NUP210: variants seen among roughly 807,000 people sequenced by gnomAD.
NUP210 encodes the protein nucleoporin 210.
NUP210 carries 151 observed loss-of-function variants against 196.0 expected under a neutral mutation model. That is an observed-to-expected ratio of 0.77 (90% CI 0.67 to 0.88). The LOEUF is 0.88. Among genes scored for constraint, NUP210 ranks in the 40% least tolerant of loss-of-function variants. The pLI is 0.00. For synonymous variants in NUP210, 1,070 were observed against 1,052.7 expected, an observed-to-expected ratio of 1.02 and a Z score of -0.32; for missense variants, 2,314 against 2,493.7, an observed-to-expected ratio of 0.93 and a Z score of 1.53.
rs1344343804 is a variant in NUP210 at position 13,337,841 on chromosome 3, G to A, written c.3548C>T (p.Thr1183Ile). ...GAGCCCAGGAGGTCCCCTCACCTGG[G>A]TGCCCGTCCTCATCCGCATGATGGG... is the stretch of plus-strand genomic sequence containing the variant. The part of the protein sequence containing the change: ...RAPIMRMRTG[T>I]QMPIYVTGIT... The change falls in exon 26 of 40, where the codon ACC (threonine) becomes ATC (isoleucine). Residue 1183 changes from threonine to isoleucine, a missense_variant. By Grantham distance (89) the Thr-to-Ile change is moderately conservative. Transcript: ENST00000254508. 13 of 1,610,054 alleles carry A rather than the reference G, an allele frequency of 8.1e-6. No homozygotes were observed. Among genetic ancestry groups the A allele is most frequent in the African/African-American group, 1.3e-5 (1 of 74,878 alleles).
intron 31 of NUP210, among the ~76,000 whole-genome samples, chr3:13,328,135 G>A (rs1162773460): frequency 6.6e-6 from 1 of 152,238 alleles, no homozygotes; most frequent in Admixed American, 6.5e-5. Context: ...CCAAAGGGCT[G>A]GGAGAACTGG....
chr3:13,400,554 A>G (rs2124948091), intron 1 of NUP210, among the ~76,000 whole-genome samples: 1 of 152,262 alleles, frequency 6.6e-6, no homozygotes, highest in Non-Finnish European at 1.5e-5. Context: ...TTTCTCATCC[A>G]TGGCCCAGGA....
chr3:13,417,168 G>A (rs1479425291), intron 1 of NUP210, among the ~76,000 whole-genome samples: 1 of 152,166 alleles, frequency 6.6e-6, no homozygotes, highest in Non-Finnish European at 1.5e-5. Flanking sequence ...AGGGGTCCCA[G>A]CAGCTCCTGC....
intron 5 of NUP210, among the ~76,000 whole-genome samples, chr3:13,387,431 C>A (rs1438855197): frequency 6.6e-6 from 1 of 152,238 alleles, no homozygotes; most frequent in Non-Finnish European, 1.5e-5. Context: ...GGGCCCTACA[C>A]AGGAGCAAAC....
In NUP210 at chr3:13,316,579, C is replaced by T. The variant is rs1033862760; in HGVS notation, c.*1102G>A. 4 of 152,266 alleles carry T rather than the reference C, an allele frequency of 2.6e-5. No individual in the cohort carries two copies. Among genetic ancestry groups the T allele is most frequent in the African/African-American group, 9.6e-5 (4 of 41,472 alleles). 9.4% of individuals were successfully genotyped at this position (152,266 alleles called of 1,614,324 possible). Reference sequence around the variant, plus strand: ...GAAGAGAGGACTTTTCCAAGGGTCTCCTCCCCCAGGCCCTGGGGAGTCCCT... The same window carrying T: ...GAAGAGAGGACTTTTCCAAGGGTCTTCTCCCCCAGGCCCTGGGGAGTCCCT... On this transcript the variant is annotated 3_prime_UTR_variant, in exon 40 of 40. Coordinates refer to ENST00000254508, the MANE Select transcript of NUP210 (RefSeq NM_024923.4).
rs1183511934 is a variant in NUP210 at position 13,386,270 on chromosome 3, C to A, written c.817+5G>T. On this transcript the variant is annotated splice_donor_5th_base_variant and intron_variant, in intron 6 of 39. Coordinates refer to ENST00000254508, the MANE Select transcript of NUP210 (RefSeq NM_024923.4). ...TCTGTCATGATGGCAGAGCCAATGA[C>A]ACACCTGTAATTTTCCCTTGCCTGA... 1.2e-6 allele frequency: 2 copies of A among 1,611,886 alleles called. No individual in the cohort carries two copies. The highest frequency in any genetic ancestry group is 4.5e-5 in the East Asian group (2 of 44,858).
At position 13,410,369 on chromosome 3, in the gene NUP210, G is replaced by A. The variant is rs149823403; in HGVS notation, c.167+9691C>T. ...AATTTTGTATTTTTAGCAGAAATGA[G>A]GTTTCTCCATATTGGTCAGGCTGGT... On this transcript the variant is annotated intron_variant, in intron 1 of 39. Coordinates refer to ENST00000254508, the MANE Select transcript of NUP210 (RefSeq NM_024923.4). 5.6e-3 allele frequency among the ~76,000 whole-genome samples: 843 copies of A among 151,098 alleles called. 9 individuals are homozygous for A. Among genetic ancestry groups the A allele is most frequent in the Admixed American group, 9.6e-3 (146 of 15,198 alleles).
chr3:13,362,294 C>T (rs897797459), intron 14 of NUP210, among the ~76,000 whole-genome samples: 5 of 152,198 alleles, frequency 3.3e-5, no homozygotes, highest in African/African-American at 9.7e-5. Context: ...TAATCCCAGC[C>T]GTGAAGCTTC....
At chr3:13,322,420 C>T (rs1258549953) in intron 34 of NUP210, 81 bp from the exon 35 acceptor site, 5 of 1,517,470 alleles carry the variant, frequency 3.3e-6, no homozygotes, top group African/African-American at 1.4e-5. Context: ...CACAGGCTGG[C>T]TGGGCTGCAA....
chr3:13,343,327 A>AGGGTGGGGGGGGGGGGGGGG, intron 20 of NUP210, 24 bp from the exon 21 acceptor site: 1 of 183,894 alleles, frequency 5.4e-6, no homozygotes, highest in Non-Finnish European at 1.1e-5. Flanking sequence ...GCGGAGGTGG[A>AGGGTGGGGGGGGGGGGGGGG]GGGGTGGGTG....
Position 13,335,193 on chromosome 3 carries a change from C to G in NUP210, c.3843+261G>C, listed in dbSNP as rs144475965. 6.9e-4 allele frequency among the ~76,000 whole-genome samples: 105 copies of G among 152,348 alleles called. 2 individuals carry two copies. In the East Asian group the frequency reaches 0.02, roughly 29 times the overall value. ...TTTGGCCACACATCAAGTGAGTTCC[C>G]ACCTCCAGGCCTTTGCCAGCCCCTC... On this transcript the variant is annotated intron_variant, in intron 28 of 39. Coordinates refer to ENST00000254508, the MANE Select transcript of NUP210 (RefSeq NM_024923.4).
chr3:13,367,659 A>G (rs566677912), intron 13 of NUP210, among the ~76,000 whole-genome samples: 1 of 152,276 alleles, frequency 6.6e-6, no homozygotes, highest in Admixed American at 6.5e-5. Context: ...TTGTTCCCAT[A>G]AAGGGAACCA....
Position 13,351,938 on chromosome 3 carries a change from T to G in NUP210, c.2776A>C (p.Asn926His). The G allele has an allele frequency of 1.2e-6, 2 of 1,613,468 alleles. No individual in the cohort carries two copies. The highest frequency in any genetic ancestry group is 1.7e-6 in the Non-Finnish European group (2 of 1,179,556). The part of the protein sequence containing the change: ...IREGSGYFFL[N>H]TSTADVVKVA... ...TTGACAACATCTGCGGTGCTGGTGT[T>G]GAGGAAGAAGTAACCTGAGCCTTCC... is the stretch of plus-strand genomic sequence containing the variant. Residue 926 changes from asparagine (N) to histidine (H), a missense_variant, in exon 20 of 40, where the codon AAC (asparagine) becomes CAC (histidine). Physicochemically the swap from Asn to His is moderately conservative, Grantham distance 68. Coordinates refer to ENST00000254508, the MANE Select transcript of NUP210 (RefSeq NM_024923.4).
At position 13,368,107 on chromosome 3, in the gene NUP210, G is replaced by T. The variant is rs548960856; in HGVS notation, c.1787-2016C>A. Among the ~76,000 whole-genome samples the T allele has an allele frequency of 2.1e-4, 32 of 151,944 alleles. No individual in the cohort carries two copies. In the South Asian group the frequency reaches 6.2e-3, roughly 30 times the overall value. On this transcript the variant is annotated intron_variant, in intron 13 of 39. Coordinates refer to ENST00000254508, the MANE Select transcript of NUP210 (RefSeq NM_024923.4). ...TATTTTTTTTTTGAGACAGGGTCTT[G>T]CTCTGTCGCCCAGGCTGGAGTGCAG...
In NUP210 at chr3:13,339,909, G is replaced by GA; in HGVS notation, c.3415dup (p.Ser1139PhefsTer139). The GA allele has an allele frequency of 6.2e-7, 1 of 1,614,054 alleles. No individual in the cohort carries two copies. Among genetic ancestry groups the GA allele is most frequent in the Non-Finnish European group, 8.5e-7 (1 of 1,180,050 alleles). On this transcript the variant is annotated frameshift_variant, in exon 25 of 40. Transcript: ENST00000254508. LOFTEE classifies it high-confidence loss of function. Reference sequence around the variant, plus strand: ...TGCATCCACTGCCTGCACGAGCCCAGACACAGTGCCGTTCCCGATGGCGAG... The same window carrying GA: ...TGCATCCACTGCCTGCACGAGCCCAGAACACAGTGCCGTTCCCGATGGCGAG...
Position 13,420,221 on chromosome 3 carries a change from C to T in NUP210, c.6G>A (p.Ala2=), listed in dbSNP as rs1700491143. The change falls in exon 1 of 40, where the codon GCG becomes GCA. Residue 2 remains alanine (A), a synonymous_variant. Coordinates refer to ENST00000254508, the MANE Select transcript of NUP210 (RefSeq NM_024923.4). The surrounding 1 kb of genome is among the most constrained non-coding windows in gnomAD (Gnocchi z 4.8). M[A]ARGRGLLLLT... ...GCAGCAGCAGCCCCCGGCCCCGCGC[C>T]GCCATCCTCGCCGCGCGTCACCTCC... 2.6e-6 allele frequency: 3 copies of T among 1,138,050 alleles called. No homozygotes were observed. Among genetic ancestry groups the T allele is most frequent in the Non-Finnish European group, 2.2e-6 (2 of 923,974 alleles). 70.5% of individuals were successfully genotyped at this position (1,138,050 alleles called of 1,614,324 possible).
chr3:13,376,722 C>A (rs1418817082), intron 9 of NUP210, among the ~76,000 whole-genome samples: 5 of 152,156 alleles, frequency 3.3e-5, no homozygotes, highest in Admixed American at 2.6e-4. Context: ...CTACCGAGGT[C>A]TCAAGAAGGA....
intron 33 of NUP210, among the ~76,000 whole-genome samples, chr3:13,324,214 C>CA (rs955373573): frequency 6.6e-6 from 1 of 152,050 alleles, no homozygotes; most frequent in Non-Finnish European, 1.5e-5. Flanking sequence ...CTGGGACCCC[C>CA]CAACGCTGGC....
At chr3:13,395,732 G>A (rs1322359628) in intron 3 of NUP210, among the ~76,000 whole-genome samples, 2 of 152,150 alleles carry the variant, frequency 1.3e-5, no homozygotes, top group East Asian at 3.8e-4. Context: ...TGGCGGTTAT[G>A]AATAATGCTG....
Sources: gnomAD v4.1 joint callset for allele counts (sites outside exome capture counted in the v4.1 genomes callset) on GRCh38, gnomAD v4.1.1 for gene constraint, Gnocchi (gnomAD v3.1) non-coding constraint, MANE v1.5 for transcripts, NCBI Gene and HGNC (gene_info 2026-07-23, HGNC 2026-07-21) for gene names.